GRID1: variants seen among roughly 807,000 people sequenced by gnomAD.
GRID1 encodes glutamate receptor ionotropic, delta-1.
Under a neutral mutation model 98.0 loss-of-function variants are expected in GRID1, and 28 were observed. The observed-to-expected ratio is 0.29, with a 90% CI of 0.21 to 0.39. The LOEUF is 0.39. Ranked by LOEUF, GRID1 falls within the 10% of genes least tolerant of loss-of-function variation. The probability of loss-of-function intolerance (pLI) is 1.00; values close to 1 mark genes in which losing one functional copy is unlikely to be tolerated. For missense variants in GRID1, 1,111 were observed against 1,340.5 expected, an observed-to-expected ratio of 0.83 and a Z score of 2.67; for synonymous variants, 553 against 538.5, an observed-to-expected ratio of 1.03 and a Z score of -0.37.
chr10:85,971,868 T>G (rs1205181326), intron 4 of GRID1, among the ~76,000 whole-genome samples: 1 of 152,158 alleles, frequency 6.6e-6, no homozygotes, highest in Non-Finnish European at 1.5e-5. Context: ...TGGGTGCATA[T>G]GCCCACCAAA....
At chr10:86,237,994 G>C (rs1292142624) in intron 2 of GRID1, among the ~76,000 whole-genome samples, 1 of 152,204 alleles carries the variant, frequency 6.6e-6, no homozygotes, top group African/African-American at 2.4e-5. Flanking sequence ...CTTTGGAACT[G>C]GGTAATTGCC....
chr10:86,120,608 A>G (rs1003614490), intron 4 of GRID1, among the ~76,000 whole-genome samples: 2 of 152,174 alleles, frequency 1.3e-5, no homozygotes, highest in Non-Finnish European at 2.9e-5. Context: ...TTAAATTACA[A>G]ATTCTGCTCT....
chr10:85,783,584 C>A (rs890851561), intron 8 of GRID1, among the ~76,000 whole-genome samples: 20 of 152,086 alleles, frequency 1.3e-4, no homozygotes, highest in African/African-American at 4.6e-4. Context: ...GAAAATAAAC[C>A]AGAATGAAAA....
intron 4 of GRID1, among the ~76,000 whole-genome samples, chr10:86,043,823 G>C (rs1187602377): frequency 1.3e-5 from 2 of 152,116 alleles, no homozygotes; most frequent in Non-Finnish European, 2.9e-5. Context: ...GCATTTTCTA[G>C]AACTTTAAAT....
intron 4 of GRID1, among the ~76,000 whole-genome samples, chr10:85,950,280 G>A (rs985100204): frequency 6.6e-6 from 1 of 152,200 alleles, no homozygotes; most frequent in Non-Finnish European, 1.5e-5. Context: ...TGGAGGAAAT[G>A]CCGCTATTCT....
chr10:85,927,603 T>A (rs1030992383), intron 4 of GRID1, among the ~76,000 whole-genome samples: 23 of 152,204 alleles, frequency 1.5e-4, no homozygotes, highest in Admixed American at 1.1e-3. Flanking sequence ...AAACAAGTCC[T>A]CTTTTCCCAG....
At chr10:86,131,825 G>A (rs915161113) in intron 4 of GRID1, among the ~76,000 whole-genome samples, 3 of 152,126 alleles carry the variant, frequency 2.0e-5, no homozygotes, top group Admixed American at 1.3e-4. Context: ...GTGGGCAATC[G>A]AAGTTCTAGA....
intron 2 of GRID1, among the ~76,000 whole-genome samples, chr10:86,295,956 T>C (rs1847583148): frequency 6.6e-6 from 1 of 152,192 alleles, no homozygotes; most frequent in Admixed American, 6.5e-5. Flanking sequence ...ACAGACAGTG[T>C]CCCTACCTTC....
At chr10:85,670,774 C>T (rs1377057313) in intron 12 of GRID1, among the ~76,000 whole-genome samples, 1 of 152,176 alleles carries the variant, frequency 6.6e-6, no homozygotes, top group Non-Finnish European at 1.5e-5. Flanking sequence ...CCTACATGCC[C>T]AACTTGACAA....
chr10:86,088,704 C>T (rs1228034615), intron 4 of GRID1, among the ~76,000 whole-genome samples: 2 of 152,080 alleles, frequency 1.3e-5, no homozygotes, highest in African/African-American at 4.8e-5. Flanking sequence ...AACTAAAAAG[C>T]CCAAACATTG....
chr10:86,319,545 C>T (rs910071283), intron 2 of GRID1, among the ~76,000 whole-genome samples: 4 of 152,126 alleles, frequency 2.6e-5, no homozygotes, highest in Non-Finnish European at 5.9e-5. Flanking sequence ...CCCCAGGCCC[C>T]GGGAAAACTC....
chr10:85,776,314 G>C (rs968972043), intron 8 of GRID1, among the ~76,000 whole-genome samples: 1 of 152,164 alleles, frequency 6.6e-6, no homozygotes, highest in Admixed American at 6.5e-5. Flanking sequence ...TTTTATAAGG[G>C]ACAGAAGTGA....
intron 8 of GRID1, among the ~76,000 whole-genome samples, chr10:85,821,933 G>A (rs1166586214): frequency 6.6e-6 from 1 of 152,068 alleles, no homozygotes; most frequent in Non-Finnish European, 1.5e-5. Flanking sequence ...ACAAGAAATG[G>A]GGAAAGGATT....
intron 5 of GRID1, among the ~76,000 whole-genome samples, chr10:85,906,646 C>T (rs1393750027): frequency 6.6e-6 from 1 of 152,062 alleles, no homozygotes; most frequent in East Asian, 1.9e-4. Flanking sequence ...ACTTCTAAAA[C>T]CCATGGGTCA....
chr10:85,737,651 T>TATATAC (rs1841897309), intron 8 of GRID1, among the ~76,000 whole-genome samples: 1 of 125,476 alleles, frequency 8.0e-6, no homozygotes, highest in Non-Finnish European at 1.7e-5. Flanking sequence ...GCCAGATATA[T>TATATAC]ATATATATAT....
chr10:86,117,617 CCACCACCAT>C (rs1339822920), intron 4 of GRID1, among the ~76,000 whole-genome samples: 4 of 150,112 alleles, frequency 2.7e-5, no homozygotes, highest in African/African-American at 4.9e-5. Context: ...ACTATCACCA[CCACCACCAT>C]CACCACCACC....
chr10:85,981,454 T>C (rs1842543477), intron 4 of GRID1, among the ~76,000 whole-genome samples: 1 of 152,176 alleles, frequency 6.6e-6, no homozygotes, highest in Non-Finnish European at 1.5e-5. Flanking sequence ...CTACAATGCC[T>C]ACTTGGCTTT....
intron 3 of GRID1, among the ~76,000 whole-genome samples, chr10:86,144,347 T>C (rs1406565832): frequency 6.6e-6 from 1 of 152,120 alleles, no homozygotes; most frequent in African/African-American, 2.4e-5. Context: ...GAATGATGCA[T>C]CTTTGACATC....
intron 14 of GRID1, among the ~76,000 whole-genome samples, chr10:85,617,315 C>A (rs968406079): frequency 6.6e-6 from 1 of 150,384 alleles, no homozygotes; most frequent in Admixed American, 6.6e-5. Context: ...TCACTGCAAT[C>A]TCCACCTCCT....
Sources: allele counts gnomAD v4.1 joint callset (sites outside exome capture counted in the v4.1 genomes callset), GRCh38; gene constraint gnomAD v4.1.1; transcripts MANE v1.5; gene names NCBI Gene and HGNC (gene_info 2026-07-23, HGNC 2026-07-21).